The following TRAF3IP2 variants were observed in gnomAD, a reference collection of about 807,000 sequenced individuals.
The protein encoded by TRAF3IP2 is TRAF3 interacting protein 2.
In TRAF3IP2, 35 loss-of-function variants were observed where a neutral mutation model predicts 57.9. The ratio of observed to expected loss-of-function variants is 0.60; its 90% confidence interval spans 0.46 to 0.80. TRAF3IP2 has a LOEUF of 0.80. Among genes scored for constraint, TRAF3IP2 ranks in the 30% least tolerant of loss-of-function variants. The probability of loss-of-function intolerance (pLI) is 0.00; values close to 1 mark genes in which losing one functional copy is unlikely to be tolerated. For synonymous variants in TRAF3IP2, 251 were observed against 268.9 expected, an observed-to-expected ratio of 0.93 and a Z score of 0.65; for missense variants, 556 against 706.4, an observed-to-expected ratio of 0.79 and a Z score of 2.41.
intron 2 of TRAF3IP2, among the ~76,000 whole-genome samples, chr6:111,582,613 C>G (rs930866943): frequency 6.6e-6 from 1 of 152,178 alleles, no homozygotes; most frequent in African/African-American, 2.4e-5. Flanking sequence ...GGCAACAGAG[C>G]AAGTCACTAC....
intron 3 of TRAF3IP2, among the ~76,000 whole-genome samples, chr6:111,578,276 G>T (rs1168944823): frequency 6.6e-6 from 1 of 152,098 alleles, no homozygotes; most frequent in Admixed American, 6.6e-5. Flanking sequence ...CTGTTAGAGT[G>T]CCTATCCTGC....
intron 7 of TRAF3IP2, 41 bp from the exon 8 acceptor site, chr6:111,563,080 G>C (rs187146688): frequency 6.8e-7 from 1 of 1,479,982 alleles, no homozygotes; most frequent in Non-Finnish European, 9.4e-7. Context: ...TCAGGAATGA[G>C]GATGAGGAGT....
At chr6:111,597,410 C>T (rs1249019421) in intron 1 of TRAF3IP2, among the ~76,000 whole-genome samples, 1 of 152,162 alleles carries the variant, frequency 6.6e-6, no homozygotes, top group Non-Finnish European at 1.5e-5. Flanking sequence ...GCACGCCTGC[C>T]ACTACCACAC....
chr6:111,584,874 T>G (rs1253806815), intron 2 of TRAF3IP2, among the ~76,000 whole-genome samples: 1 of 152,192 alleles, frequency 6.6e-6, no homozygotes, highest in African/African-American at 2.4e-5. Context: ...GAGTTCAATT[T>G]TCCATTTTCA....
At chr6:111,577,828 C>T (rs1796037082) in intron 3 of TRAF3IP2, among the ~76,000 whole-genome samples, 1 of 151,780 alleles carries the variant, frequency 6.6e-6, no homozygotes, top group Non-Finnish European at 1.5e-5. Flanking sequence ...TCTCCTGCCT[C>T]AGCCTCCTTA....
intron 5 of TRAF3IP2, among the ~76,000 whole-genome samples, chr6:111,571,493 T>G (rs993863090): frequency 3.3e-5 from 5 of 152,052 alleles, no homozygotes; most frequent in Non-Finnish European, 5.9e-5. Context: ...ATTACAGGCA[T>G]GAGCCACCAC....
Position 111,559,226 on chromosome 6 carries a change from G to A in TRAF3IP2, c.*179C>T. The A allele has an allele frequency of 1.4e-6, 1 of 736,632 alleles. No individual in the cohort carries two copies. Among genetic ancestry groups the A allele is most frequent in the Admixed American group, 2.8e-5 (1 of 35,454 alleles). 45.6% of individuals were successfully genotyped at this position (736,632 alleles called of 1,614,324 possible). A position where few individuals can be genotyped will look rare whatever the true frequency, so the allele number is the denominator to read the frequency against. ...GTCACAGACTCCACTTCAAAGCCAG[G>A]GTGTGTGGAGGTCTCCGGGGAAGAG... On this transcript the variant is annotated 3_prime_UTR_variant, in exon 9 of 9. Transcript: ENST00000368761.
chr6:111,567,120 A>G, intron 6 of TRAF3IP2: 3 of 950,024 alleles, frequency 3.2e-6, no homozygotes, highest in Non-Finnish European at 3.8e-6. Flanking sequence ...ACACGCTGGC[A>G]GCAATCAATT....
intron 7 of TRAF3IP2, among the ~76,000 whole-genome samples, chr6:111,565,553 TG>T (rs1352309232): frequency 6.6e-6 from 1 of 152,088 alleles, no homozygotes; most frequent in African/African-American, 2.4e-5. Flanking sequence ...GGGCACCCAC[TG>T]GGAACTCCAC....
Position 111,557,374 on chromosome 6 carries a change from T to TATAG in TRAF3IP2, c.*2027_*2030dup, listed in dbSNP as rs1202993755. On this transcript the variant is annotated 3_prime_UTR_variant, in exon 9 of 9. Transcript: ENST00000368761. ...TTCTGGAGACCAGGTAAACAAGATATATAGATACAGATAGATATCCAAAAT... is the reference window on the plus strand; with the variant it reads ...TTCTGGAGACCAGGTAAACAAGATATATAGATAGATACAGATAGATATCCAAAAT... 6.6e-6 allele frequency: 1 copy of TATAG among 151,712 alleles called. No homozygotes were observed. Among genetic ancestry groups the TATAG allele is most frequent in the Non-Finnish European group, 1.5e-5 (1 of 67,964 alleles). 9.4% of individuals were successfully genotyped at this position (151,712 alleles called of 1,614,324 possible). A position where few individuals can be genotyped will look rare whatever the true frequency, so the allele number is the denominator to read the frequency against.
At chr6:111,604,941 AC>A (rs34623848) in intron 1 of TRAF3IP2, among the ~76,000 whole-genome samples, 1 of 152,062 alleles carries the variant, frequency 6.6e-6, no homozygotes, top group African/African-American at 2.4e-5. Flanking sequence ...TTAGATCACC[AC>A]CCCCCATCAA....
rs768826003 is a variant in TRAF3IP2, at chr6:111,601,185, G to C, written c.-9+4591C>G. On this transcript the variant is annotated intron_variant, in intron 1 of 8. Coordinates refer to ENST00000368761, the MANE Select transcript of TRAF3IP2 (RefSeq NM_147686.4). ...GAGATTCTGTAATAAATATGCTTCA[G>C]AGCCATTCACCTTGAAGCTGAGGAG... 7.7e-6 allele frequency: 6 copies of C among 778,900 alleles called. No homozygotes were observed. In the South Asian group the frequency reaches 8.1e-5, roughly 10 times the overall value. The allele number at this position is 778,900 out of a possible 1,614,324, so 48.2% of individuals were successfully genotyped here.
intron 1 of TRAF3IP2, among the ~76,000 whole-genome samples, chr6:111,597,349 T>TGCTG (rs1317744519): frequency 1.3e-5 from 2 of 152,248 alleles, no homozygotes; most frequent in East Asian, 3.9e-4. Context: ...GGCAGGGAGT[T>TGCTG]GCTGGTCTTT....
In TRAF3IP2 at chr6:111,595,609, C is replaced by T. The variant is rs1027653804; in HGVS notation, c.-8-3515G>A. Reference sequence around the variant, plus strand: ...CTTTGGGAGGCCAAGGCGGGCAGATCGCAAAGTCAGGAGTTCGAGACCAGC... The same window carrying T: ...CTTTGGGAGGCCAAGGCGGGCAGATTGCAAAGTCAGGAGTTCGAGACCAGC... On this transcript the variant is annotated intron_variant, in intron 1 of 8. Transcript: ENST00000368761. Among the ~76,000 whole-genome samples the T allele has an allele frequency of 2.0e-5, 3 of 152,226 alleles. No homozygotes were observed. The South Asian group carries it at 6.2e-4, about 32-fold the overall frequency.
chr6:111,592,594 T>C (rs578090263), intron 1 of TRAF3IP2, among the ~76,000 whole-genome samples: 44 of 152,338 alleles, frequency 2.9e-4, no homozygotes, highest in African/African-American at 1.0e-3. Flanking sequence ...GCATATCTGC[T>C]TGTATATGTA....
rs1795295998 is a variant in TRAF3IP2, at chr6:111,557,792, A to C, written c.*1613T>G. 1 of 151,564 alleles carries C rather than the reference A, an allele frequency of 6.6e-6. No homozygotes were observed. The highest frequency in any genetic ancestry group is 1.5e-5 in the Non-Finnish European group (1 of 67,920). 9.4% of individuals were successfully genotyped at this position (151,564 alleles called of 1,614,324 possible). A position where few individuals can be genotyped will look rare whatever the true frequency, so the allele number is the denominator to read the frequency against. ...GTAATCCCAGCACTTTGGGAGGCCG[A>C]GGTGGGCGGATCACAAGGTCAGGAG... On this transcript the variant is annotated 3_prime_UTR_variant, in exon 9 of 9. Coordinates refer to ENST00000368761, the MANE Select transcript of TRAF3IP2 (RefSeq NM_147686.4).
chr6:111,562,194 G>A (rs1282206989), intron 8 of TRAF3IP2, among the ~76,000 whole-genome samples: 1 of 152,200 alleles, frequency 6.6e-6, no homozygotes, highest in Non-Finnish European at 1.5e-5. Flanking sequence ...CCCTTCTGGT[G>A]TGAAAAGCCT....
chr6:111,601,119 G>T, intron 1 of TRAF3IP2: 1 of 710,550 alleles, frequency 1.4e-6, no homozygotes, highest in South Asian at 1.5e-5. Context: ...TTCAGCTATT[G>T]GGAGGGAAGA....
Position 111,591,507 on chromosome 6 carries a change from T to C in TRAF3IP2, c.580A>G (p.Thr194Ala), listed in dbSNP as rs147059564. The change falls in exon 2 of 9, where the codon ACC becomes GCC. Residue 194 changes from threonine (T) to alanine (A), a missense_variant. Around this residue, in one of 2 missense-constraint regions of TRAF3IP2, gnomAD observed 428 missense variants for 498.7 expected, o/e 0.86. Coordinates refer to ENST00000368761, the MANE Select transcript of TRAF3IP2 (RefSeq NM_147686.4). The surrounding 1 kb of genome is among the most constrained non-coding windows in gnomAD (Gnocchi z 4.9). ...TGGGAATCATATCCCGTGTCTATGGTTGGCAGATCCAGGCCTGCTCGGTTC... is the reference window on the plus strand; with the variant it reads ...TGGGAATCATATCCCGTGTCTATGGCTGGCAGATCCAGGCCTGCTCGGTTC... ...HRNRAGLDLP[T>A]IDTGYDSQPQ... is the part of the protein sequence containing the mutation. The C allele has an allele frequency of 3.1e-6, 5 of 1,611,934 alleles. No homozygotes were observed. The African/African-American group carries it at 5.3e-5, about 17-fold the overall frequency.
Sources: gnomAD v4.1 joint callset for allele counts (sites outside exome capture counted in the v4.1 genomes callset) on GRCh38, gnomAD v4.1.1 for gene constraint, gnomAD v4.1.1 regional missense constraint, Gnocchi (gnomAD v3.1) non-coding constraint, MANE v1.5 for transcripts, NCBI Gene and HGNC (gene_info 2026-07-23, HGNC 2026-07-21) for gene names.